RPS6KC1: variants seen among roughly 807,000 people sequenced by gnomAD.
RPS6KC1 encodes the protein ribosomal protein S6 kinase C1, also known as inactive ribosomal protein S6 kinase delta-1.
In RPS6KC1, 54 loss-of-function variants were observed where a neutral mutation model predicts 103.8. That is an observed-to-expected ratio of 0.52 (90% confidence interval 0.42 to 0.65). The LOEUF is 0.65. Ranked by LOEUF, RPS6KC1 falls within the 30% of genes least tolerant of loss-of-function variation. The pLI is 0.00. For synonymous variants in RPS6KC1, 439 were observed against 438.7 expected (o/e 1.00, Z -0.01); for missense variants, 1,151 against 1,253.8 (o/e 0.92, Z 1.24).
chr1:213,824,508 G>A, the RPS6KC1 span, among the ~76,000 whole-genome samples: 2 of 152,126 alleles, frequency 1.3e-5, no homozygotes, highest in African/African-American at 4.8e-5. Context: ...GAACCCTCAG[G>A]CTCATGCATT....
intron 6 of RPS6KC1, among the ~76,000 whole-genome samples, chr1:213,163,804 T>C (rs2090712317): frequency 1.3e-5 from 2 of 152,242 alleles, no homozygotes; most frequent in Non-Finnish European, 1.5e-5. Flanking sequence ...GTATGACATA[T>C]AACTCTTTGT....
the RPS6KC1 span, among the ~76,000 whole-genome samples, chr1:213,362,513 A>T: frequency 3.3e-5 from 5 of 152,316 alleles, no homozygotes; most frequent in East Asian, 9.7e-4. Context: ...ACACAGCCAG[A>T]TATGATAGGT....
At chr1:213,322,404 G>A in the RPS6KC1 span, among the ~76,000 whole-genome samples, 1 of 152,178 alleles carries the variant, frequency 6.6e-6, no homozygotes, top group African/African-American at 2.4e-5. Context: ...GGGCAGAGCA[G>A]GTGCATAATG....
chr1:213,401,980 A>G, the RPS6KC1 span, among the ~76,000 whole-genome samples: 3 of 151,862 alleles, frequency 2.0e-5, no homozygotes, highest in Non-Finnish European at 4.4e-5. Flanking sequence ...TAAAGATGAG[A>G]TCTCACTATA....
chr1:213,053,499 G>A (rs996251083), intron 1 of RPS6KC1, among the ~76,000 whole-genome samples: 1 of 152,234 alleles, frequency 6.6e-6, no homozygotes, highest in Admixed American at 6.5e-5. Context: ...GCTGAATAAA[G>A]CAGGGATCTT....
chr1:213,750,775 T>TAA, the RPS6KC1 span, among the ~76,000 whole-genome samples: 4 of 152,258 alleles, frequency 2.6e-5, no homozygotes, highest in African/African-American at 9.6e-5. Context: ...CATCAACACT[T>TAA]ACACCCACAT....
intron 6 of RPS6KC1, among the ~76,000 whole-genome samples, chr1:213,146,281 C>G (rs2087817669): frequency 6.6e-6 from 1 of 151,798 alleles, no homozygotes; most frequent in African/African-American, 2.4e-5. Flanking sequence ...TTTTCTCTAT[C>G]TGTTCATCTG....
chr1:213,610,737 T>C, the RPS6KC1 span, among the ~76,000 whole-genome samples: 1 of 152,206 alleles, frequency 6.6e-6, no homozygotes. Context: ...ACATTACATA[T>C]GTCGGCTGAC....
the RPS6KC1 span, among the ~76,000 whole-genome samples, chr1:213,390,431 G>A: frequency 3.3e-5 from 5 of 152,198 alleles, no homozygotes; most frequent in Non-Finnish European, 7.3e-5. Context: ...AATTAAAAGG[G>A]ATGGACACTT....
At chr1:213,072,884 C>A (rs1440092734) in intron 2 of RPS6KC1, 6 of 967,848 alleles carry the variant, frequency 6.2e-6, no homozygotes, top group Non-Finnish European at 7.4e-6. Context: ...AATCCTGAAC[C>A]AACCTATCCA....
intron 8 of RPS6KC1, among the ~76,000 whole-genome samples, chr1:213,189,689 G>A (rs1199039242): frequency 6.6e-6 from 1 of 152,004 alleles, no homozygotes; most frequent in Non-Finnish European, 1.5e-5. Flanking sequence ...TTAAAAATCT[G>A]CAATTAAGTT....
the RPS6KC1 span, among the ~76,000 whole-genome samples, chr1:213,383,785 C>T: frequency 9.2e-5 from 14 of 151,504 alleles, no homozygotes; most frequent in Middle Eastern, 3.2e-3. Context: ...GGAAAGGCCA[C>T]CTGAGGACAC....
At chr1:213,201,109 C>T (rs1172902842) in intron 8 of RPS6KC1, among the ~76,000 whole-genome samples, 1 of 152,084 alleles carries the variant, frequency 6.6e-6, no homozygotes, top group African/African-American at 2.4e-5. Context: ...CACATGTACC[C>T]CTGAACTTTA....
chr1:213,064,373 T>G (rs2078108654), intron 1 of RPS6KC1, among the ~76,000 whole-genome samples: 1 of 150,666 alleles, frequency 6.6e-6, no homozygotes, highest in South Asian at 2.1e-4. Context: ...GTGAACTTTT[T>G]TTTTTTTTTT....
At chr1:213,595,362 T>C in the RPS6KC1 span, among the ~76,000 whole-genome samples, 1 of 152,202 alleles carries the variant, frequency 6.6e-6, no homozygotes, top group South Asian at 2.1e-4. Context: ...TTTCCTCTTG[T>C]AGCCTCCCAA....
the RPS6KC1 span, among the ~76,000 whole-genome samples, chr1:213,301,123 A>T: frequency 6.6e-6 from 1 of 151,980 alleles, no homozygotes; most frequent in East Asian, 1.9e-4. Context: ...TCATATATCC[A>T]CTTTCCATCC....
chr1:213,478,953 AT>A, the RPS6KC1 span, among the ~76,000 whole-genome samples: 1 of 151,946 alleles, frequency 6.6e-6, no homozygotes, highest in African/African-American at 2.4e-5. Flanking sequence ...CTTATTTTAT[AT>A]ATTTTATATT....
At chr1:213,210,607 A>G (rs1448893409) in intron 8 of RPS6KC1, among the ~76,000 whole-genome samples, 1 of 152,180 alleles carries the variant, frequency 6.6e-6, no homozygotes, top group African/African-American at 2.4e-5. Context: ...GTGCTTTAAA[A>G]CATTTTGGAA....
chr1:213,149,040 A>G (rs546337067), intron 6 of RPS6KC1, among the ~76,000 whole-genome samples: 53 of 151,854 alleles, frequency 3.5e-4, no homozygotes, highest in African/African-American at 1.3e-3. Context: ...TACATTTCTG[A>G]TTTTATTTAT....
Sources: allele counts gnomAD v4.1 joint callset (sites outside exome capture counted in the v4.1 genomes callset), GRCh38; gene constraint gnomAD v4.1.1; transcripts MANE v1.5; gene names NCBI Gene and HGNC (gene_info 2026-07-23, HGNC 2026-07-21).